MICAL2: variants seen among roughly 807,000 people sequenced by gnomAD.
MICAL2 encodes the protein microtubule associated monooxygenase, calponin and LIM domain containing 2.
Under a neutral mutation model 127.3 loss-of-function variants are expected in MICAL2, and 77 were observed. The ratio of observed to expected loss-of-function variants is 0.60; its 90% CI spans 0.50 to 0.73. The LOEUF is 0.73. MICAL2 is among the 30% of genes least tolerant of loss of function. MICAL2 has a pLI of 0.00. For missense variants in MICAL2, 1,351 were observed against 1,434.4 expected, an observed-to-expected ratio of 0.94 and a Z score of 0.94; for synonymous variants, 570 against 551.1, an observed-to-expected ratio of 1.03 and a Z score of -0.48.
At chr11:12,360,994 T>C (rs1459769416), downstream of MICAL2, among the ~76,000 whole-genome samples, 1 of 152,226 alleles carries the variant, frequency 6.6e-6, no homozygotes, top group Non-Finnish European at 1.5e-5. Context: ...TGTAAAATAC[T>C]ATACATTTTG....
intron 2 of MICAL2, among the ~76,000 whole-genome samples, chr11:12,144,111 CA>C (rs1253177001): frequency 6.6e-6 from 1 of 152,114 alleles, no homozygotes; most frequent in African/African-American, 2.4e-5. Flanking sequence ...ACCAATAAAC[CA>C]GAGAGTGATT....
chr11:12,218,047 A>G (rs987712229), intron 8 of MICAL2, among the ~76,000 whole-genome samples: 2 of 152,152 alleles, frequency 1.3e-5, no homozygotes, highest in Non-Finnish European at 2.9e-5. Context: ...CTATAGCCAC[A>G]CAGAAGGTGC....
intron 32 of MICAL2, among the ~76,000 whole-genome samples, chr11:12,330,538 A>T (rs1230278763): frequency 6.6e-6 from 1 of 152,144 alleles, no homozygotes; most frequent in Non-Finnish European, 1.5e-5. Context: ...TTAGGCGGGC[A>T]TTGAATTAGA....
At chr11:12,116,630 T>TCGATCA (rs1405507502) in intron 1 of MICAL2, 3 of 152,188 alleles carry the variant, frequency 2.0e-5, no homozygotes. Flanking sequence ...TCCTAAAACA[T>TCGATCA]CGATCACGTG....
chr11:12,278,245 T>C (rs1190084536), intron 1 of MICAL2, among the ~76,000 whole-genome samples: 1 of 152,250 alleles, frequency 6.6e-6, no homozygotes, highest in Non-Finnish European at 1.5e-5. Flanking sequence ...CTTTCTAAAC[T>C]TCTTTATTGT....
At chr11:12,161,510 A>T (rs1854787356) in intron 2 of MICAL2, 1 of 152,626 alleles carries the variant, frequency 6.6e-6, no homozygotes, top group Admixed American at 6.5e-5. Context: ...TGTCATGTGG[A>T]TAGTGGAAAG....
intron 33 of MICAL2, among the ~76,000 whole-genome samples, chr11:12,350,730 C>CTTGTA (rs1939030571): frequency 1.3e-5 from 2 of 152,140 alleles, no homozygotes; most frequent in Admixed American, 1.3e-4. Flanking sequence ...ATGATAATGG[C>CTTGTA]TTGTACCTGG....
rs75684848 is a variant in MICAL2 at position 12,166,349 on chromosome 11, T to C, written c.264+3930T>C. Reference sequence around the variant, plus strand: ...TCATTAGCAGGTGTTTCCAGTGCCCTACACCTTACCAGGCATTTGACAGAG... The same window carrying C: ...TCATTAGCAGGTGTTTCCAGTGCCCCACACCTTACCAGGCATTTGACAGAG... On this transcript the variant is annotated intron_variant, in intron 3 of 27. Coordinates refer to ENST00000683283, the MANE Select transcript of MICAL2 (RefSeq NM_001282663.2). 2.3e-3 allele frequency among the ~76,000 whole-genome samples: 344 copies of C among 152,362 alleles called. 1 individual carries two copies. The highest frequency in any genetic ancestry group is 7.9e-3 in the African/African-American group (327 of 41,580).
At chr11:12,284,354 A>G (rs1322450736) in intron 2 of MICAL2, among the ~76,000 whole-genome samples, 1 of 152,114 alleles carries the variant, frequency 6.6e-6, no homozygotes, top group East Asian at 1.9e-4. Context: ...ATGCACTAAG[A>G]TCTCTGAAAG....
chr11:12,322,681 A>G (rs912091528), intron 30 of MICAL2, among the ~76,000 whole-genome samples: 2 of 152,202 alleles, frequency 1.3e-5, no homozygotes, highest in Non-Finnish European at 2.9e-5. Context: ...AAAATAGCCC[A>G]ATTTGAACAT....
intron 16 of MICAL2, among the ~76,000 whole-genome samples, chr11:12,238,805 A>G (rs1414901113): frequency 1.3e-5 from 2 of 152,360 alleles, no homozygotes; most frequent in Non-Finnish European, 2.9e-5. Context: ...GGTGAAGGGT[A>G]TGCAGGGACA....
chr11:12,297,075 G>A (rs1160593978), downstream of MICAL2, among the ~76,000 whole-genome samples: 1 of 152,076 alleles, frequency 6.6e-6, no homozygotes, highest in Non-Finnish European at 1.5e-5. Context: ...TCTTAGAAGT[G>A]GAAATGCTGG....
At chr11:12,233,861 T>C (rs950708740) in intron 15 of MICAL2, among the ~76,000 whole-genome samples, 1 of 152,214 alleles carries the variant, frequency 6.6e-6, no homozygotes, top group Non-Finnish European at 1.5e-5. Context: ...TTCACAAATA[T>C]AGATATACAG....
At chr11:12,278,712 A>G (rs2134761419) in intron 1 of MICAL2, among the ~76,000 whole-genome samples, 1 of 152,272 alleles carries the variant, frequency 6.6e-6, no homozygotes, top group Non-Finnish European at 1.5e-5. Flanking sequence ...AGCAGTGGAG[A>G]TGGATTTGTT....
chr11:12,307,559 G>A (rs544017952), intron 29 of MICAL2, among the ~76,000 whole-genome samples: 6 of 152,042 alleles, frequency 3.9e-5, no homozygotes, highest in African/African-American at 9.6e-5. Flanking sequence ...CTAGATTTTC[G>A]GCTTCAGCCT....
At chr11:12,126,835 T>C (rs1227617486) in intron 1 of MICAL2, among the ~76,000 whole-genome samples, 1 of 151,058 alleles carries the variant, frequency 6.6e-6, no homozygotes, top group African/African-American at 2.4e-5. Context: ...GTGTGGGGAG[T>C]GTTTTCTGTG....
At chr11:12,174,441 A>G (rs1269118829) in intron 3 of MICAL2, among the ~76,000 whole-genome samples, 2 of 142,336 alleles carry the variant, frequency 1.4e-5, no homozygotes, top group Admixed American at 7.7e-5. Context: ...AAGTGGAATT[A>G]TACAGTATTT....
chr11:12,195,578 A>C (rs1189768185), intron 3 of MICAL2, among the ~76,000 whole-genome samples: 1 of 63,486 alleles, frequency 1.6e-5, no homozygotes, highest in Non-Finnish European at 6.6e-5. Context: ...AAACAAAAAA[A>C]TTACAATGGG....
chr11:12,209,709 G>T, intron 6 of MICAL2, 111 bp downstream of exon 6: 1 of 952,702 alleles, frequency 1.0e-6, no homozygotes, highest in Non-Finnish European at 1.7e-6. Flanking sequence ...CTGGATGGAG[G>T]TTTTGATAGG....
Sources: gnomAD v4.1 joint callset for allele counts (sites outside exome capture counted in the v4.1 genomes callset) on GRCh38, gnomAD v4.1.1 for gene constraint, MANE v1.5 for transcripts, NCBI Gene and HGNC (gene_info 2026-07-23, HGNC 2026-07-21) for gene names.